The following MPP1 variants were observed in gnomAD, a reference collection of about 807,000 sequenced individuals.
The protein encoded by MPP1 is MAGUK p55 scaffold protein 1.
Under a neutral mutation model 38.2 loss-of-function variants are expected in MPP1, and 6 were observed. The observed-to-expected ratio is 0.16, with a 90% confidence interval of 0.09 to 0.31. The LOEUF (loss-of-function observed/expected upper bound fraction) is 0.31. Among genes scored for constraint, MPP1 ranks in the 10% least tolerant of loss-of-function variants. The pLI is 1.00. For synonymous variants in MPP1, 153 were observed against 146.3 expected, an observed-to-expected ratio of 1.05 and a Z score of -0.33; for missense variants, 293 against 368.9, an observed-to-expected ratio of 0.79 and a Z score of 1.69.
At chrX:154,801,781 A>G (rs1166179672) in intron 1 of MPP1, among the ~76,000 whole-genome samples, 1 of 86,949 alleles carries the variant, frequency 1.2e-5, no homozygotes, top group African/African-American at 5.2e-5. Flanking sequence ...AAAAAAAAAA[A>G]AAAAACAAAA....
At chrX:154,781,886 C>T (rs2072010014) in intron 9 of MPP1, 84 bp from the exon 10 acceptor site, 14 of 949,605 alleles carry the variant, frequency 1.5e-5, no homozygotes, top group Middle Eastern at 7.3e-4. Flanking sequence ...TGTATGGAAA[C>T]CCTAGCTGCC....
intron 1 of MPP1, among the ~76,000 whole-genome samples, chrX:154,795,689 C>T (rs782313062): frequency 2.7e-5 from 3 of 111,487 alleles, no homozygotes; most frequent in South Asian, 3.8e-4. Flanking sequence ...TGCTTGAGCC[C>T]GGGAGGTCAA....
At chrX:154,784,215 G>T in intron 7 of MPP1, 107 bp from the exon 8 acceptor site, 1 of 604,748 alleles carries the variant, frequency 1.7e-6, no homozygotes, top group Non-Finnish European at 2.7e-6. Flanking sequence ...AAGCAGGGAG[G>T]AAGTGACTAG....
In MPP1 at chrX:154,783,515, G is replaced by A. The variant is rs1603429916; in HGVS notation, c.866-8C>T. The A allele has an allele frequency of 8.4e-7, 1 of 1,190,324 alleles. No homozygotes were observed. Among genetic ancestry groups the A allele is most frequent in the African/African-American group, 1.8e-5 (1 of 57,079 alleles). On this transcript the variant is annotated splice_region_variant and splice_polypyrimidine_tract_variant and intron_variant, in intron 8 of 11. Transcript: ENST00000369534. ...GACCCACCCCACTGGCTCCTGTGTA[G>A]AGAGAGAAGAACATCTTTTGGAAAG...
rs60815457 is a variant in MPP1, at chrX:154,787,145, CA to C, written c.481-746del. ...ACACACACACACACACACACACACA[CA>C]CCTACCTCATTACTTCATTGACAAA... On this transcript the variant is annotated intron_variant, in intron 5 of 11. Transcript: ENST00000369534. 3.1e-3 allele frequency among the ~76,000 whole-genome samples: 270 copies of C among 88,221 alleles called. 2 individuals are homozygous for C. The highest frequency in any genetic ancestry group is 4.4e-3 in the Non-Finnish European group (189 of 43,094). The allele number at this position is 88,221 out of a possible 115,157, so 76.6% of individuals were successfully genotyped here.
At chrX:154,790,480 G>A (rs1316224112) in intron 4 of MPP1, among the ~76,000 whole-genome samples, 1 of 104,498 alleles carries the variant, frequency 9.6e-6, no homozygotes, top group Non-Finnish European at 1.9e-5. Context: ...GCAGTGAGCC[G>A]AGATCACGCC....
At position 154,779,326 on chromosome X, in the gene MPP1, C is replaced by A. The variant is rs1557266332; in HGVS notation, c.1252G>T (p.Asp418Tyr). Reference protein sequence around the residue: ...QTEALQQLQKDSEAIRSQYAH... With the variant: ...QTEALQQLQKYSEAIRSQYAH... ...TACTGGCTGCGGATGGCCTCAGAGT[C>A]CTTCTGCAGCTGCTGCAGGGCTTCT... The change falls in exon 12 of 12, where the codon GAC becomes TAC. Residue 418 changes from aspartate (D) to tyrosine (Y), a missense_variant. By Grantham distance (160) the Asp-to-Tyr change is radical. Transcript: ENST00000369534. 1 of 1,209,059 alleles carries A rather than the reference C, an allele frequency of 8.3e-7. No individual in the cohort carries two copies. The highest frequency in any genetic ancestry group is 2.2e-5 in the Admixed American group (1 of 45,504).
At chrX:154,786,103 T>A in intron 6 of MPP1, 101 bp downstream of exon 6, 3 of 792,318 alleles carry the variant, frequency 3.8e-6, no homozygotes, top group Non-Finnish European at 3.6e-6. Context: ...GGAGGTCTCC[T>A]TGGTTGAGAA....
chrX:154,803,702 T>C (rs1281450181), intron 1 of MPP1, among the ~76,000 whole-genome samples: 1 of 112,659 alleles, frequency 8.9e-6, no homozygotes, highest in Non-Finnish European at 1.9e-5. Context: ...GGGAACTTCC[T>C]GGAACCTTGA....
In MPP1 at chrX:154,794,479, C is replaced by T. The variant is rs142007963; in HGVS notation, c.103-2194G>A. ...GCCACCTGGAGGAGGAGGAGGAGGACGAGGAGGAGGAATAGGCCTGAAGTG... is the reference window on the plus strand; with the variant it reads ...GCCACCTGGAGGAGGAGGAGGAGGATGAGGAGGAGGAATAGGCCTGAAGTG... On this transcript the variant is annotated intron_variant, in intron 1 of 11. Transcript: ENST00000369534. Among the ~76,000 whole-genome samples the T allele has an allele frequency of 6.7e-3, 725 of 108,813 alleles. 8 individuals are homozygous for T. The highest frequency in any genetic ancestry group is 0.023 in the African/African-American group (687 of 29,604). 94.5% of individuals were successfully genotyped at this position (108,813 alleles called of 115,157 possible).
intron 5 of MPP1, among the ~76,000 whole-genome samples, chrX:154,786,643 C>T (rs1257332826): frequency 9.0e-6 from 1 of 110,976 alleles, no homozygotes; most frequent in African/African-American, 3.3e-5. Flanking sequence ...CGCCTGTAAT[C>T]CCAGCACTTT....
chrX:154,786,546 T>C (rs2072076490), intron 5 of MPP1, 146 bp from the exon 6 acceptor site: 2 of 540,911 alleles, frequency 3.7e-6, no homozygotes, highest in Admixed American at 6.5e-5. Context: ...GAAAGAGAAA[T>C]TGAAACGCTG....
At chrX:154,793,688 C>G (rs1557267950) in intron 1 of MPP1, among the ~76,000 whole-genome samples, 1 of 111,858 alleles carries the variant, frequency 8.9e-6, no homozygotes, top group African/African-American at 3.2e-5. Context: ...AATTTTTGAA[C>G]CATTTGAGAG....
In MPP1 at chrX:154,792,232, A is replaced by G. The variant is rs782035728; in HGVS notation, c.156T>C (p.Ser52=). 1 of 1,211,972 alleles carries G rather than the reference A, an allele frequency of 8.3e-7. No homozygotes were observed. Among genetic ancestry groups the G allele is most frequent in the Non-Finnish European group, 1.1e-6 (1 of 895,474 alleles). Residue 52 remains serine, a synonymous_variant, in exon 2 of 12, where the codon TCT becomes TCC. Transcript: ENST00000369534. ...TVTEDMYTNG[S]PAPGSPAQVK... is the part of the protein sequence containing the mutation. ...CCTGGGCAGGGCTACCTGGGGCAGG[A>G]GACCCGTTGGTGTACATGTCCTCGG... is the stretch of plus-strand genomic sequence containing the variant.
intron 10 of MPP1, 140 bp downstream of exon 10, chrX:154,781,460 T>C: frequency 1.3e-6 from 1 of 795,160 alleles, no homozygotes; most frequent in Middle Eastern, 3.6e-4. Flanking sequence ...TCATTCCCAG[T>C]ACTACTGTTC....
chrX:154,803,010 T>C (rs1280673497), intron 1 of MPP1, among the ~76,000 whole-genome samples: 1 of 112,506 alleles, frequency 8.9e-6, no homozygotes, highest in Non-Finnish European at 1.9e-5. Context: ...ACTGGGTCAT[T>C]ACCCTGGATG....
intron 1 of MPP1, among the ~76,000 whole-genome samples, chrX:154,798,103 T>TA (rs1160147741): frequency 5.4e-5 from 6 of 111,919 alleles, no homozygotes; most frequent in Non-Finnish European, 1.1e-4. Flanking sequence ...ATAGCTGAAA[T>TA]AAAAAAATAG....
intron 9 of MPP1, 101 bp downstream of exon 9, chrX:154,783,321 TTAAAA>T (rs1220473838): frequency 2.5e-4 from 108 of 435,538 alleles, no homozygotes; most frequent in Middle Eastern, 6.3e-4. Context: ...TAATAATCAT[TTAAAA>T]TAAAATAATT....
chrX:154,781,928 TC>T (rs781840236), intron 9 of MPP1, 126 bp from the exon 10 acceptor site: 3 of 580,304 alleles, frequency 5.2e-6, no homozygotes, highest in Non-Finnish European at 8.2e-6. Context: ...CAGGGGTTCC[TC>T]CCGTGGGCTC....
Sources: allele counts gnomAD v4.1 joint callset (sites outside exome capture counted in the v4.1 genomes callset), GRCh38; gene constraint gnomAD v4.1.1; transcripts MANE v1.5; gene names NCBI Gene and HGNC (gene_info 2026-07-23, HGNC 2026-07-21).